Variants in HOATZ observed in about 807,000 individuals in gnomAD.
HOATZ encodes the protein cilia- and flagella-associated protein HOATZ.
A neutral mutation model predicts 24.9 loss-of-function variants in HOATZ; 26 were observed. The observed-to-expected ratio is 1.04, with a 90% CI of 0.76 to 1.45. HOATZ has a LOEUF of 1.45. Ranked by LOEUF, HOATZ falls within the 40% of genes most tolerant of loss-of-function variation. The pLI is 0.00. For synonymous variants in HOATZ, 83 were observed against 76.6 expected (o/e 1.08, Z -0.43); for missense variants, 226 against 201.5 (o/e 1.12, Z -0.74).
intron 3 of HOATZ, among the ~76,000 whole-genome samples, chr11:111,522,313 A>G (rs1285124232): frequency 3.3e-5 from 5 of 152,236 alleles, no homozygotes; most frequent in Non-Finnish European, 2.9e-5. Context: ...TTCCAGTTAC[A>G]TGAATCCTTA....
At chr11:111,534,736 T>A (rs1867432500) in intron 5 of HOATZ, 2 of 397,566 alleles carry the variant, frequency 5.0e-6, no homozygotes, top group South Asian at 3.7e-5. Flanking sequence ...GTCCCTCTCT[T>A]CTCACCCTGG....
At position 111,514,967 on chromosome 11, in the gene HOATZ, T is replaced by C. The variant is rs1359602388; in HGVS notation, c.183T>C (p.Ser61=). 6.2e-7 allele frequency: 1 copy of C among 1,613,598 alleles called. No individual in the cohort carries two copies. The highest frequency in any genetic ancestry group is 1.3e-5 in the African/African-American group (1 of 74,906). ...AGCTGGTGCTGCGCAGAGACAGCAGTCAGCGTCTGCCGGTGGCGCGGCCCA... is the reference window on the plus strand; with the variant it reads ...AGCTGGTGCTGCGCAGAGACAGCAGCCAGCGTCTGCCGGTGGCGCGGCCCA... ...ESQLVLRRDS[S]QRLPVARPRR... Residue 61 remains serine (S), a synonymous_variant, in exon 1 of 6, where the codon AGT becomes AGC. Transcript: ENST00000375618.
At chr11:111,522,370 C>A (rs544958569) in intron 3 of HOATZ, among the ~76,000 whole-genome samples, 1 of 152,128 alleles carries the variant, frequency 6.6e-6, no homozygotes, top group African/African-American at 2.4e-5. Flanking sequence ...CAAATCAAAT[C>A]GGGTTTATTG....
At chr11:111,523,863 C>T (rs1867300274) in intron 3 of HOATZ, among the ~76,000 whole-genome samples, 1 of 152,208 alleles carries the variant, frequency 6.6e-6, no homozygotes, top group South Asian at 2.1e-4. Flanking sequence ...TCACATATCT[C>T]CTAGTCTGAT....
In HOATZ at chr11:111,534,332, C is replaced by A. The variant is rs1867425040; in HGVS notation, c.400-80C>A. 4 of 1,040,696 alleles carry A rather than the reference C, an allele frequency of 3.8e-6. No homozygotes were observed. In the South Asian group the frequency reaches 4.2e-5, roughly 11 times the overall value. The allele number at this position is 1,040,696 out of a possible 1,614,324, so 64.5% of individuals were successfully genotyped here. A position where few individuals can be genotyped will look rare whatever the true frequency, so the allele number is the denominator to read the frequency against. On this transcript the variant is annotated intron_variant, in intron 4 of 5. Transcript: ENST00000375618. ...AAACTCTGTGATGATTTTACCTCAG[C>A]TTTTTTTCAAATGAGTAAATTCCAA... is the stretch of plus-strand genomic sequence containing the variant.
Position 111,536,941 on chromosome 11 carries a change from C to T in HOATZ, c.*114C>T. 1.3e-6 allele frequency: 1 copy of T among 793,372 alleles called. No homozygotes were observed. The highest frequency in any genetic ancestry group is 2.1e-6 in the Non-Finnish European group (1 of 470,848). 49.1% of individuals were successfully genotyped at this position (793,372 alleles called of 1,614,324 possible). A position where few individuals can be genotyped will look rare whatever the true frequency, so the allele number is the denominator to read the frequency against. On this transcript the variant is annotated 3_prime_UTR_variant, in exon 6 of 6. Transcript: ENST00000375618. Reference sequence around the variant, plus strand: ...CAACATTATAGTAGACAAAGAAATACAAGTTAAATACGCAGACTTCCAGGA... The same window carrying T: ...CAACATTATAGTAGACAAAGAAATATAAGTTAAATACGCAGACTTCCAGGA...
intron 3 of HOATZ, among the ~76,000 whole-genome samples, chr11:111,529,657 G>A (rs545874325): frequency 2.6e-5 from 4 of 152,058 alleles, no homozygotes; most frequent in East Asian, 3.9e-4. Context: ...CACCGCACCC[G>A]GCCCCTCGTG....
At chr11:111,531,178 G>A (rs1282433901) in intron 3 of HOATZ, among the ~76,000 whole-genome samples, 2 of 152,114 alleles carry the variant, frequency 1.3e-5, no homozygotes, top group Non-Finnish European at 2.9e-5. Flanking sequence ...TTTGTTCATA[G>A]GGGATTTTTA....
chr11:111,519,664 G>A (rs1867247453), intron 3 of HOATZ, among the ~76,000 whole-genome samples: 1 of 152,142 alleles, frequency 6.6e-6, no homozygotes, highest in Non-Finnish European at 1.5e-5. Flanking sequence ...GATGAGGGGA[G>A]GGTATCTTTT....
chr11:111,515,508 T>C lies in HOATZ; in HGVS notation c.227-3T>C. On this transcript the variant is annotated splice_polypyrimidine_tract_variant and splice_region_variant and intron_variant, in intron 1 of 5. Coordinates refer to ENST00000375618, the MANE Select transcript of HOATZ (RefSeq NM_001100388.2). ...TTCTTTACTTCCCTTTTGTATTTTT[T>C]AGAAAACAGCCACTCCTCGCAGTCT... is the stretch of plus-strand genomic sequence containing the variant. The C allele has an allele frequency of 6.2e-7, 1 of 1,613,080 alleles. No individual in the cohort carries two copies. Among genetic ancestry groups the C allele is most frequent in the Non-Finnish European group, 8.5e-7 (1 of 1,179,062 alleles).
chr11:111,536,736 G>T, intron 5 of HOATZ, 34 bp from the exon 6 acceptor site: 1 of 1,539,210 alleles, frequency 6.5e-7, no homozygotes. Context: ...GCGGAGTTCT[G>T]TGTATTGGAA....
At chr11:111,533,548 T>C (rs942534150) in intron 3 of HOATZ, among the ~76,000 whole-genome samples, 198 bp from the exon 4 acceptor site, 3 of 152,272 alleles carry the variant, frequency 2.0e-5, no homozygotes, top group East Asian at 1.9e-4. Context: ...TTTAATATTT[T>C]ACAAAAGCAT....
chr11:111,520,761 C>A (rs1429711528), intron 3 of HOATZ, among the ~76,000 whole-genome samples: 1 of 152,200 alleles, frequency 6.6e-6, no homozygotes. Flanking sequence ...TGCCATCCCA[C>A]TTGGGATATG....
chr11:111,516,546 C>CAA (rs111862347), intron 3 of HOATZ, among the ~76,000 whole-genome samples: 2 of 124,910 alleles, frequency 1.6e-5, no homozygotes, highest in African/African-American at 2.9e-5. Context: ...TCTAACTCTA[C>CAA]AAAAAAAAAA....
chr11:111,517,722 G>T (rs1867221374), intron 3 of HOATZ, among the ~76,000 whole-genome samples: 2 of 152,034 alleles, frequency 1.3e-5, no homozygotes, highest in Admixed American at 6.6e-5. Flanking sequence ...ACACATTGAG[G>T]GACATCAAAA....
At chr11:111,518,607 T>A (rs1730180050) in intron 3 of HOATZ, among the ~76,000 whole-genome samples, 1 of 152,188 alleles carries the variant, frequency 6.6e-6, no homozygotes, top group South Asian at 2.1e-4. Context: ...CAATCCTAAC[T>A]CCAAAGTCCA....
intron 3 of HOATZ, among the ~76,000 whole-genome samples, chr11:111,529,348 C>T (rs1199364168): frequency 6.6e-6 from 1 of 151,970 alleles, no homozygotes; most frequent in East Asian, 1.9e-4. Context: ...AAATGAGACT[C>T]ATATTATTTT....
rs1254915561 is a variant in HOATZ at position 111,535,519 on chromosome 11, C to T, written c.452+1055C>T. 10 of 152,336 alleles carry T rather than the reference C, an allele frequency of 6.6e-5. No individual in the cohort carries two copies. The South Asian group carries it at 2.1e-3, about 32-fold the overall frequency. The allele number at this position is 152,336 out of a possible 1,614,324, so 9.4% of individuals were successfully genotyped here. Reference sequence around the variant, plus strand: ...ACTCACCTAATAATAAAACATTTCCCGGCTTGGACAGATAATTCTCTTAAT... The same window carrying T: ...ACTCACCTAATAATAAAACATTTCCTGGCTTGGACAGATAATTCTCTTAAT... On this transcript the variant is annotated intron_variant, in intron 5 of 5. Transcript: ENST00000375618.
intron 1 of HOATZ, 29 bp downstream of exon 1, chr11:111,515,039 CA>C (rs1202417942): frequency 1.3e-6 from 2 of 1,535,584 alleles, no homozygotes; most frequent in Admixed American, 3.3e-5. Context: ...TCCTGTCAGT[CA>C]TATCTGCCTC....
Sources: allele counts gnomAD v4.1 joint callset (sites outside exome capture counted in the v4.1 genomes callset), GRCh38; gene constraint gnomAD v4.1.1; transcripts MANE v1.5; gene names NCBI Gene and HGNC (gene_info 2026-07-23, HGNC 2026-07-21).